INCENP: variants seen among roughly 807,000 people sequenced by gnomAD.
The protein encoded by INCENP is binds and activates aurora-B and -C in vivo and in vitro.
In INCENP, 43 loss-of-function variants were observed where a neutral mutation model predicts 107.3. The observed-to-expected ratio is 0.40, with a 90% CI of 0.31 to 0.52. INCENP has a LOEUF of 0.52. INCENP is among the 20% of genes least tolerant of loss of function. The pLI, the probability that INCENP is intolerant of heterozygous loss-of-function variation, is 0.53. For synonymous variants in INCENP, 488 were observed against 494.4 expected (o/e 0.99, Z 0.17); for missense variants, 1,089 against 1,250.9 (o/e 0.87, Z 1.95).
At chr11:62,136,347 C>T (rs1268902429) in intron 4 of INCENP, among the ~76,000 whole-genome samples, 2 of 152,166 alleles carry the variant, frequency 1.3e-5, no homozygotes. Flanking sequence ...CCTCAGCACA[C>T]AGAAGAGTAG....
Position 62,141,504 on chromosome 11 carries a change from G to C in INCENP, c.1598G>C (p.Ser533Thr), listed in dbSNP as rs374831508. 1 of 1,613,922 alleles carries C rather than the reference G, an allele frequency of 6.2e-7. No homozygotes were observed. The highest frequency in any genetic ancestry group is 1.3e-5 in the African/African-American group (1 of 74,946). Reference protein sequence around the residue: ...NTPLRMDPKCSFVEKERQRLE... With the variant: ...NTPLRMDPKCTFVEKERQRLE... ...TTTCCCTTGTCTCCTCCACAGTGCA[G>C]CTTCGTCGTAAGTAAAGCCTTTTCC... The change falls in exon 11 of 19, where the codon AGC (serine) becomes ACC (threonine). Residue 533 changes from serine (S) to threonine (T), a missense_variant. Coordinates refer to ENST00000394818, the MANE Select transcript of INCENP (RefSeq NM_001040694.2).
At chr11:62,141,559 A>G (rs1423538087) in intron 11 of INCENP, 48 bp downstream of exon 11, 1 of 1,611,642 alleles carries the variant, frequency 6.2e-7, no homozygotes, top group African/African-American at 1.3e-5. Flanking sequence ...CCTAGCACTC[A>G]CCCGCTGTAG....
rs938681650 is a variant in INCENP, at chr11:62,128,182, G to A, written c.21G>A (p.Gly7=). Reference sequence around the variant, plus strand: ...CCACCATGGGGACGACGGCCCCAGGGCCCATTCACCTGCTGGAGCTATGTG... The same window carrying A: ...CCACCATGGGGACGACGGCCCCAGGACCCATTCACCTGCTGGAGCTATGTG... MGTTAP[G]PIHLLELCDQ... Residue 7 remains glycine (G), a synonymous_variant, in exon 2 of 19, where the codon GGG becomes GGA. Transcript: ENST00000394818. 1 of 1,614,200 alleles carries A rather than the reference G, an allele frequency of 6.2e-7. No homozygotes were observed. Among genetic ancestry groups the A allele is most frequent in the South Asian group, 1.1e-5 (1 of 91,088 alleles).
chr11:62,151,494 G>A (rs866928682), intron 18 of INCENP, among the ~76,000 whole-genome samples: 6 of 152,248 alleles, frequency 3.9e-5, no homozygotes, highest in African/African-American at 1.4e-4. Flanking sequence ...CTGCCTCCCA[G>A]GTGGTGGTCG....
intron 11 of INCENP, among the ~76,000 whole-genome samples, chr11:62,143,683 G>A (rs1474384460): frequency 2.0e-5 from 3 of 152,176 alleles, no homozygotes; most frequent in Admixed American, 6.5e-5. Flanking sequence ...ATTTCTAGGC[G>A]AGAGTGCTCC....
intron 15 of INCENP, 119 bp from the exon 16 acceptor site, chr11:62,148,357 C>A: frequency 1.1e-6 from 1 of 914,466 alleles, no homozygotes; most frequent in African/African-American, 1.7e-5. Flanking sequence ...GCCCATTCAG[C>A]AATCCCACTT....
chr11:62,151,701 C>T, intron 18 of INCENP, 61 bp from the exon 19 acceptor site: 1 of 1,425,086 alleles, frequency 7.0e-7, no homozygotes, highest in Non-Finnish European at 9.8e-7. Flanking sequence ...CTGTGGTGGG[C>T]AAGGGATGGG....
rs1013815757 is a variant in INCENP, at chr11:62,146,772, C to T, written c.2074C>T (p.Arg692Trp). 8.3e-5 allele frequency: 127 copies of T among 1,538,190 alleles called. No individual in the cohort carries two copies. Among genetic ancestry groups the T allele is most frequent in the Middle Eastern group, 1.7e-4 (1 of 5,780 alleles). The change falls in exon 15 of 19, where the codon CGG becomes TGG. Residue 692 changes from arginine to tryptophan, a missense_variant. Coordinates refer to ENST00000394818, the MANE Select transcript of INCENP (RefSeq NM_001040694.2). ...GCTGGCAGAGCAGCGGGAGCAGGAG[C>T]GGCGGGAGCAGGAGCGGCGCGAGCA... Reference protein sequence around the residue: ...KRLAEQREQERREQERREQER... With the variant: ...KRLAEQREQEWREQERREQER...
chr11:62,125,895 G>A (rs956967448), intron 1 of INCENP, among the ~76,000 whole-genome samples: 1 of 152,242 alleles, frequency 6.6e-6, no homozygotes, highest in Non-Finnish European at 1.5e-5. Context: ...CAAGTGCTCT[G>A]CAGAGAATTA....
intron 14 of INCENP, 74 bp downstream of exon 14, chr11:62,145,825 G>T: frequency 6.8e-7 from 1 of 1,479,114 alleles, no homozygotes; most frequent in South Asian, 1.3e-5. Context: ...GGCCCTACTG[G>T]GTGCACCCCA....
At chr11:62,140,203 T>C (rs778220996) in intron 7 of INCENP, 31 bp from the exon 8 acceptor site, 1 of 1,610,124 alleles carries the variant, frequency 6.2e-7, no homozygotes, top group Non-Finnish European at 8.5e-7. Flanking sequence ...CCATCGTTTC[T>C]GCAGCCTTGC....
In INCENP at chr11:62,124,045, C is replaced by T. The variant is rs896843389; in HGVS notation, c.-130C>T. On this transcript the variant is annotated 5_prime_UTR_variant, in exon 1 of 19. Coordinates refer to ENST00000394818, the MANE Select transcript of INCENP (RefSeq NM_001040694.2). ...GCCCGCGCTGCGCCGCCTGGTTGCT[C>T]CTCCCGTGCGGTGAGTCCCGAAGGC... The T allele has an allele frequency of 3.9e-5, 6 of 152,282 alleles. No homozygotes were observed. The highest frequency in any genetic ancestry group is 7.3e-5 in the Non-Finnish European group (5 of 68,084). 9.4% of individuals were successfully genotyped at this position (152,282 alleles called of 1,614,324 possible).
At chr11:62,131,822 G>A (rs1943900072) in intron 4 of INCENP, among the ~76,000 whole-genome samples, 4 of 152,026 alleles carry the variant, frequency 2.6e-5, no homozygotes, top group Admixed American at 2.6e-4. Context: ...CTGTTGCCCA[G>A]GCTGGAGTGC....
chr11:62,151,690 T>C, intron 18 of INCENP, 72 bp from the exon 19 acceptor site: 1 of 1,312,692 alleles, frequency 7.6e-7, no homozygotes, highest in Non-Finnish European at 1.1e-6. Context: ...GTGACAGGGC[T>C]CTGTGGTGGG....
In INCENP at chr11:62,138,959, G is replaced by A. The variant is rs779090615; in HGVS notation, c.1245G>A (p.Pro415=). 1.1e-5 allele frequency: 17 copies of A among 1,613,998 alleles called. No individual in the cohort carries two copies. The highest frequency in any genetic ancestry group is 2.7e-5 in the African/African-American group (2 of 74,944). ...DTEIANSTPN[P]KPAASSPETP... ...AGATTGCCAACAGCACACCCAACCC[G>A]AAGCCTGCAGCCAGCAGCCCGGAAA... The change falls in exon 7 of 19, where the codon CCG becomes CCA. Residue 415 remains proline, a synonymous_variant. Transcript: ENST00000394818.
chr11:62,138,483 G>A (rs1308961341), intron 5 of INCENP, among the ~76,000 whole-genome samples: 1 of 152,226 alleles, frequency 6.6e-6, no homozygotes, highest in African/African-American at 2.4e-5. Flanking sequence ...GTGGTGGGGT[G>A]CCAGGGAGAT....
rs1031171776 is a variant in INCENP, at chr11:62,153,113, T to G, written c.*1137T>G. On this transcript the variant is annotated 3_prime_UTR_variant, in exon 19 of 19. Transcript: ENST00000394818. ...TGAATATGTTTACTATTTGAACTTTTTCAGAAGTTCTGCTTAAGGACAAAA... is the reference window on the plus strand; with the variant it reads ...TGAATATGTTTACTATTTGAACTTTGTCAGAAGTTCTGCTTAAGGACAAAA... The G allele has an allele frequency of 3.3e-5, 5 of 152,256 alleles. No individual in the cohort carries two copies. The highest frequency in any genetic ancestry group is 7.3e-5 in the Non-Finnish European group (5 of 68,054). 9.4% of individuals were successfully genotyped at this position (152,256 alleles called of 1,614,324 possible).
At position 62,141,650 on chromosome 11, in the gene INCENP, C is replaced by T. The variant is rs370431805; in HGVS notation, c.1605+139C>T. 2.8e-5 allele frequency: 33 copies of T among 1,179,848 alleles called. No individual in the cohort carries two copies. The East Asian group carries it at 2.8e-4, about 10-fold the overall frequency. The allele number at this position is 1,179,848 out of a possible 1,614,324, so 73.1% of individuals were successfully genotyped here. A position where few individuals can be genotyped will look rare whatever the true frequency, so the allele number is the denominator to read the frequency against. On this transcript the variant is annotated intron_variant, in intron 11 of 18. Transcript: ENST00000394818. ...GGGGAGCCTTAGGAAGAGAGTGGGA[C>T]GGTGAGGGGTGCACTGGCTGGAGGC...
chr11:62,130,459 C>T lies in INCENP; in HGVS notation c.932C>T (p.Ser311Phe). 1.2e-6 allele frequency: 2 copies of T among 1,614,112 alleles called. No individual in the cohort carries two copies. Among genetic ancestry groups the T allele is most frequent in the Non-Finnish European group, 1.7e-6 (2 of 1,180,042 alleles). Residue 311 changes from serine (S) to phenylalanine (F), a missense_variant, in exon 4 of 19, where the codon TCT becomes TTT. By Grantham distance (155) the Ser-to-Phe change is radical (BLOSUM62 -2). Transcript: ENST00000394818. ...GTGCGGCACAGCCCGATCGCCCCGT[C>T]TTCCCCGAGTCCCCAAGTCTTAGCC... is the stretch of plus-strand genomic sequence containing the variant. ...QSVRHSPIAPSSPSPQVLAQK... is the reference protein window; with the variant it reads ...QSVRHSPIAPFSPSPQVLAQK...
Sources: allele counts gnomAD v4.1 joint callset (sites outside exome capture counted in the v4.1 genomes callset), GRCh38; gene constraint gnomAD v4.1.1; transcripts MANE v1.5; gene names NCBI Gene and HGNC (gene_info 2026-07-23, HGNC 2026-07-21).